Variants in CCDC92B observed in about 807,000 individuals in gnomAD.
CCDC92B encodes the protein coiled-coil domain containing 92B, also known as coiled-coil domain-containing 92B.
In CCDC92B, 2 loss-of-function variants were observed where a neutral mutation model predicts 5.6. That is an observed-to-expected ratio of 0.36 (90% CI 0.15 to 1.12). The LOEUF (loss-of-function observed/expected upper bound fraction) is 1.12, where lower values mean the gene tolerates loss of function less well. Among genes scored for constraint, CCDC92B ranks in the 50% most tolerant of loss-of-function variants. The pLI is 0.40. For missense variants in CCDC92B, 271 were observed against 262.2 expected (o/e 1.03, Z -0.23); for synonymous variants, 115 against 122.3 (o/e 0.94, Z 0.39).
intron 3 of CCDC92B, among the ~76,000 whole-genome samples, chr17:2,727,822 T>TC (rs951029190): frequency 2.3e-5 from 2 of 87,372 alleles, no homozygotes; most frequent in Non-Finnish European, 5.3e-5. Flanking sequence ...AGACTCCGTC[T>TC]CAAAAAAAAA....
intron 1 of CCDC92B, among the ~76,000 whole-genome samples, chr17:2,744,028 C>G (rs2070955759): frequency 6.6e-6 from 1 of 152,066 alleles, no homozygotes; most frequent in South Asian, 2.1e-4. Context: ...CAGGTGTGCA[C>G]CACCATGCCC....
chr17:2,730,429 A>G lies in CCDC92B; in HGVS notation c.178+17T>C. The stretch of plus-strand genomic sequence containing the variant: ...TTGGGCCCCATGACGCTTCCCCACC[A>G]GTGGTCCTTCTCTTACCTTGCTGGT... On this transcript the variant is annotated intron_variant, in intron 3 of 3. Transcript: ENST00000614400. 1.0e-6 allele frequency: 1 copy of G among 984,996 alleles called. No homozygotes were observed. Among genetic ancestry groups the G allele is most frequent in the Non-Finnish European group, 1.2e-6 (1 of 829,778 alleles). 61.0% of individuals were successfully genotyped at this position (984,996 alleles called of 1,614,324 possible).
In CCDC92B at chr17:2,724,160, T is replaced by A; in HGVS notation, c.*251A>T. On this transcript the variant is annotated 3_prime_UTR_variant, in exon 4 of 4. Coordinates refer to ENST00000614400, the MANE Select transcript of CCDC92B (RefSeq NM_001355573.2). This position sits in a 1 kb window ranked among gnomAD's most constrained non-coding sequence, Gnocchi z 5.0. The stretch of plus-strand genomic sequence containing the variant: ...GCCAGGATCGGGACGGCGAGTCCTC[T>A]CGGTAGAGAAGGTGCCCCCGCTCGG... 1.0e-6 allele frequency: 1 copy of A among 985,134 alleles called. No homozygotes were observed. Among genetic ancestry groups the A allele is most frequent in the Non-Finnish European group, 1.2e-6 (1 of 829,860 alleles). The allele number at this position is 985,134 out of a possible 1,614,324, so 61.0% of individuals were successfully genotyped here.
chr17:2,740,776 T>C (rs1597244480), intron 1 of CCDC92B, among the ~76,000 whole-genome samples: 1 of 151,882 alleles, frequency 6.6e-6, no homozygotes, highest in East Asian at 1.9e-4. Flanking sequence ...CTCACCACTT[T>C]GGGCAACATG....
At chr17:2,731,094 C>T (rs976527515) in intron 2 of CCDC92B, among the ~76,000 whole-genome samples, 8 of 152,188 alleles carry the variant, frequency 5.3e-5, no homozygotes, top group South Asian at 2.1e-4. Flanking sequence ...GTATTCCCCA[C>T]GGCAGGGAGA....
At chr17:2,735,879 A>G (rs1350159570) in intron 1 of CCDC92B, among the ~76,000 whole-genome samples, 1 of 152,132 alleles carries the variant, frequency 6.6e-6, no homozygotes, top group Non-Finnish European at 1.5e-5. Flanking sequence ...TGGGCTCTCA[A>G]GTTTCTCAGG....
intron 1 of CCDC92B, among the ~76,000 whole-genome samples, chr17:2,738,146 C>A (rs2070876693): frequency 6.6e-6 from 1 of 151,928 alleles, no homozygotes; most frequent in African/African-American, 2.4e-5. Flanking sequence ...CTCAAGCAAT[C>A]CTTCCACCTC....
chr17:2,728,076 A>C (rs1451984638), intron 3 of CCDC92B, among the ~76,000 whole-genome samples: 1 of 152,140 alleles, frequency 6.6e-6, no homozygotes, highest in Non-Finnish European at 1.5e-5. Context: ...CTGTAATCCC[A>C]GCACTTTGGG....
At chr17:2,728,705 T>A (rs2070764634) in intron 3 of CCDC92B, among the ~76,000 whole-genome samples, 1 of 151,700 alleles carries the variant, frequency 6.6e-6, no homozygotes, top group Non-Finnish European at 1.5e-5. Context: ...GGACAGTAAG[T>A]GGGGTGAAAG....
rs1332334815 is a variant in CCDC92B, at chr17:2,720,840, G to C, written c.*3571C>G. ...TTTATTAAGAATAAGGCATATGACA[G>C]TCACCCCTAAAGCACAGGGCTCTAT... On this transcript the variant is annotated 3_prime_UTR_variant, in exon 4 of 4. Coordinates refer to ENST00000614400, the MANE Select transcript of CCDC92B (RefSeq NM_001355573.2). 6.6e-6 allele frequency: 1 copy of C among 152,220 alleles called. No homozygotes were observed. Among genetic ancestry groups the C allele is most frequent in the African/African-American group, 2.4e-5 (1 of 41,448 alleles). The allele number at this position is 152,220 out of a possible 1,614,324, so 9.4% of individuals were successfully genotyped here.
chr17:2,741,504 CTG>C (rs10589836), intron 1 of CCDC92B, among the ~76,000 whole-genome samples: 73,558 of 151,206 alleles, frequency 0.49, 19,014 homozygotes, highest in African/African-American at 0.66. Flanking sequence ...TGGCAAAATC[CTG>C]TGTCTCTACT....
intron 1 of CCDC92B, among the ~76,000 whole-genome samples, chr17:2,736,676 G>A (rs2070861192): frequency 6.6e-6 from 1 of 151,496 alleles, no homozygotes; most frequent in African/African-American, 2.4e-5. Context: ...AGGTCAGTTC[G>A]AGACCAGCCT....
Position 2,724,698 on chromosome 17 carries a change from T to C in CCDC92B, c.481A>G (p.Thr161Ala). The stretch of plus-strand genomic sequence containing the variant: ...CGGCGGCGTGGCCTGGGCTCGGCGG[T>C]GGCGCCGGGGCCCGGGCGCGGGGCC... ...LQAPRPGPGATAEPRPRRRAL... is the reference protein window; with the variant it reads ...LQAPRPGPGAAAEPRPRRRAL... Residue 161 changes from threonine to alanine, a missense_variant, in exon 4 of 4, where the codon ACC becomes GCC. Coordinates refer to ENST00000614400, the MANE Select transcript of CCDC92B (RefSeq NM_001355573.2). The surrounding 1 kb of genome is among the most constrained non-coding windows in gnomAD (Gnocchi z 5.0). 1 of 981,760 alleles carries C rather than the reference T, an allele frequency of 1.0e-6. No homozygotes were observed. The highest frequency in any genetic ancestry group is 1.2e-6 in the Non-Finnish European group (1 of 828,312). The allele number at this position is 981,760 out of a possible 1,614,324, so 60.8% of individuals were successfully genotyped here. A position where few individuals can be genotyped will look rare whatever the true frequency, so the allele number is the denominator to read the frequency against.
In CCDC92B at chr17:2,735,053, C is replaced by T. The variant is rs1012305046; in HGVS notation, c.93G>A (p.Leu31=). 3.0e-6 allele frequency: 3 copies of T among 985,430 alleles called. No homozygotes were observed. The highest frequency in any genetic ancestry group is 3.6e-6 in the Non-Finnish European group (3 of 830,030). The allele number at this position is 985,430 out of a possible 1,614,324, so 61.0% of individuals were successfully genotyped here. ...TCTGCAGCCTCAGGATCTCCAGGTGCAGGTCTCGCAGCAGGGCCATCTGCT... is the reference window on the plus strand; with the variant it reads ...TCTGCAGCCTCAGGATCTCCAGGTGTAGGTCTCGCAGCAGGGCCATCTGCT... ...KKEQMALLRD[L]HLEILRLQKR... is the part of the protein sequence containing the mutation. The change falls in exon 2 of 4, where the codon CTG becomes CTA. Residue 31 remains leucine (L), a synonymous_variant. Transcript: ENST00000614400.
intron 3 of CCDC92B, 146 bp from the exon 4 acceptor site, chr17:2,725,146 G>A: frequency 3.1e-6 from 3 of 978,812 alleles, no homozygotes; most frequent in Non-Finnish European, 2.4e-6. Flanking sequence ...GCCGAGATGG[G>A]CAGATGGACT....
Position 2,724,304 on chromosome 17 carries a change from G to A in CCDC92B, c.*107C>T. 1 of 985,278 alleles carries A rather than the reference G, an allele frequency of 1.0e-6. No homozygotes were observed. The highest frequency in any genetic ancestry group is 1.2e-6 in the Non-Finnish European group (1 of 829,890). The allele number at this position is 985,278 out of a possible 1,614,324, so 61.0% of individuals were successfully genotyped here. A position where few individuals can be genotyped will look rare whatever the true frequency, so the allele number is the denominator to read the frequency against. On this transcript the variant is annotated 3_prime_UTR_variant, in exon 4 of 4. Transcript: ENST00000614400. This position sits in a 1 kb window ranked among gnomAD's most constrained non-coding sequence, Gnocchi z 5.0. ...CCGGGGCCGCCTCGCCCCGCTTCCT[G>A]GAGGAGGGGCGGCTGCCCTCCGACC... is the stretch of plus-strand genomic sequence containing the variant.
intron 2 of CCDC92B, among the ~76,000 whole-genome samples, chr17:2,731,327 T>C (rs1192864447): frequency 1.3e-5 from 2 of 152,068 alleles, no homozygotes; most frequent in Non-Finnish European, 2.9e-5. Context: ...TTGATAATTT[T>C]TCCAGCCCCA....
chr17:2,745,066 C>CAAAAAAAAA (rs60179555), intron 1 of CCDC92B, among the ~76,000 whole-genome samples: 1 of 79,340 alleles, frequency 1.3e-5, no homozygotes, highest in Non-Finnish European at 2.3e-5. Flanking sequence ...GACCCTGTCT[C>CAAAAAAAAA]AAAAAAAAAA....
chr17:2,725,677 T>G (rs1258325371), intron 3 of CCDC92B, among the ~76,000 whole-genome samples: 2 of 151,874 alleles, frequency 1.3e-5, no homozygotes, highest in Non-Finnish European at 2.9e-5. Context: ...TGAAGCTTAT[T>G]GCATAGTGGG....
Sources: gnomAD v4.1 joint callset for allele counts (sites outside exome capture counted in the v4.1 genomes callset) on GRCh38, gnomAD v4.1.1 for gene constraint, Gnocchi (gnomAD v3.1) non-coding constraint, MANE v1.5 for transcripts, NCBI Gene and HGNC (gene_info 2026-07-23, HGNC 2026-07-21) for gene names.